The following WRN variants were observed in gnomAD, a reference collection of about 807,000 sequenced individuals.
WRN encodes the protein WRN RecQ like helicase, also known as bifunctional 3'-5' exonuclease/ATP-dependent helicase WRN.
In WRN, 149 loss-of-function variants were observed where a neutral mutation model predicts 180.7. The observed-to-expected ratio is 0.82, with a 90% CI of 0.72 to 0.94. The LOEUF (loss-of-function observed/expected upper bound fraction) is 0.94, where lower values mean the gene tolerates loss of function less well. Ranked by LOEUF, WRN falls within the 40% of genes least tolerant of loss-of-function variation. The pLI is 0.00. For missense variants in WRN, 1,661 were observed against 1,700.1 expected, an observed-to-expected ratio of 0.98 and a Z score of 0.40; for synonymous variants, 548 against 568.9, an observed-to-expected ratio of 0.96 and a Z score of 0.52.
intron 16 of WRN, among the ~76,000 whole-genome samples, chr8:31,095,808 G>A (rs184944387): frequency 1.2e-4 from 19 of 152,278 alleles, no homozygotes; most frequent in Admixed American, 5.9e-4. Context: ...ATCAGGTAGC[G>A]CAAGGCCTCT....
intron 28 of WRN, 123 bp downstream of exon 28, chr8:31,143,746 G>C (rs1802753777): frequency 2.9e-6 from 2 of 681,884 alleles, no homozygotes; most frequent in Admixed American, 5.4e-5. Context: ...TAAAACATAA[G>C]CTTTTCAGTA....
At chr8:31,154,862 C>T in intron 32 of WRN, 107 bp downstream of exon 32, 1 of 1,351,078 alleles carries the variant, frequency 7.4e-7, no homozygotes, top group Non-Finnish European at 1.0e-6. Flanking sequence ...TTCCTCCAAC[C>T]CTACAATAAA....
In WRN at chr8:31,141,420, C is replaced by G; in HGVS notation, c.2968-10C>G. The G allele has an allele frequency of 6.2e-7, 1 of 1,613,898 alleles. No individual in the cohort carries two copies. Among genetic ancestry groups the G allele is most frequent in the East Asian group, 2.2e-5 (1 of 44,860 alleles). On this transcript the variant is annotated splice_polypyrimidine_tract_variant and intron_variant, in intron 24 of 34. Transcript: ENST00000298139. The stretch of plus-strand genomic sequence containing the variant: ...GCATTTTTAGATACTGATTTTATTC[C>G]TAATTTCAGAATTCTCAGCGTCTTG...
At chr8:31,040,962 G>T (rs1312319868) in intron 1 of WRN, among the ~76,000 whole-genome samples, 1 of 152,160 alleles carries the variant, frequency 6.6e-6, no homozygotes, top group Non-Finnish European at 1.5e-5. Context: ...TCGAGAAAAT[G>T]TCTTTGAGTA....
chr8:31,172,937 T>C, intron 34 of WRN, 58 bp from the exon 35 acceptor site: 1 of 1,541,770 alleles, frequency 6.5e-7, no homozygotes, highest in Non-Finnish European at 8.9e-7. Context: ...TTTTTGCAAC[T>C]AATACCCCTT....
chr8:31,134,721 G>A (rs1585505307), intron 24 of WRN, among the ~76,000 whole-genome samples: 1 of 152,154 alleles, frequency 6.6e-6, no homozygotes, highest in East Asian at 1.9e-4. Context: ...GAATTAGACG[G>A]TAGTTTTGAT....
chr8:31,131,950 C>A, intron 23 of WRN: 1 of 143,976 alleles, frequency 6.9e-6, no homozygotes, highest in Non-Finnish European at 1.4e-5. Flanking sequence ...TTTTTCTAAG[C>A]TGAAAGGCTT....
In WRN at chr8:31,121,749, A is replaced by T. The variant is rs551080857; in HGVS notation, c.2630+1325A>T. Reference sequence around the variant, plus strand: ...GGAATTAATTAGGTAAAAATGTTTGATGCAAATTTTAAGATTTTCCTTCTG... The same window carrying T: ...GGAATTAATTAGGTAAAAATGTTTGTTGCAAATTTTAAGATTTTCCTTCTG... On this transcript the variant is annotated intron_variant, in intron 21 of 34. Coordinates refer to ENST00000298139, the MANE Select transcript of WRN (RefSeq NM_000553.6). 1.8e-4 allele frequency among the ~76,000 whole-genome samples: 28 copies of T among 152,072 alleles called. No homozygotes were observed. The South Asian group carries it at 5.4e-3, about 29-fold the overall frequency.
chr8:31,142,788 A>G (rs567732157), intron 27 of WRN, 87 bp downstream of exon 27: 15 of 1,250,814 alleles, frequency 1.2e-5, no homozygotes, highest in Admixed American at 2.1e-5. Flanking sequence ...TTCCTTTCCA[A>G]TTAAAGAGAA....
At position 31,143,598 on chromosome 8, in the gene WRN, T is replaced by A; in HGVS notation, c.3358T>A (p.Ser1120Thr). The part of the protein sequence containing the change: ...YSYKPCDKIS[S>T]GSNISKKSIM... ...TTATAAACCATGTGATAAGATTTCT[T>A]CTGGGAGTAACATTTCTAAAAAAAG... Residue 1120 changes from serine to threonine, a missense_variant, in exon 28 of 35, where the codon TCT becomes ACT. Coordinates refer to ENST00000298139, the MANE Select transcript of WRN (RefSeq NM_000553.6). 1 of 1,590,470 alleles carries A rather than the reference T, an allele frequency of 6.3e-7. No homozygotes were observed. The highest frequency in any genetic ancestry group is 8.6e-7 in the Non-Finnish European group (1 of 1,159,482).
At chr8:31,152,583 A>G (rs574333443) in intron 31 of WRN, among the ~76,000 whole-genome samples, 2 of 152,298 alleles carry the variant, frequency 1.3e-5, no homozygotes, top group East Asian at 1.9e-4. Context: ...ATAGGAAGAT[A>G]TAAATAGAAA....
In WRN at chr8:31,145,039, G is replaced by C. The variant is rs1007981570; in HGVS notation, c.3383+1416G>C. Among the ~76,000 whole-genome samples, 8 of 152,332 alleles carry C rather than the reference G, an allele frequency of 5.3e-5. No homozygotes were observed. In the South Asian group the frequency reaches 1.7e-3, roughly 32 times the overall value. Reference sequence around the variant, plus strand: ...AGGCCAGCAGAGGTTGGTTCATGAGGTTTAAGGAAAGAAGCCATCTCCATA... The same window carrying C: ...AGGCCAGCAGAGGTTGGTTCATGAGCTTTAAGGAAAGAAGCCATCTCCATA... On this transcript the variant is annotated intron_variant, in intron 28 of 34. Transcript: ENST00000298139.
intron 2 of WRN, 75 bp downstream of exon 2, chr8:31,058,618 C>T: frequency 6.9e-7 from 1 of 1,453,326 alleles, no homozygotes; most frequent in Non-Finnish European, 9.5e-7. Flanking sequence ...TCAGTTGTTA[C>T]TTGTAAACTT....
chr8:31,058,096 A>T (rs11574174), intron 1 of WRN, among the ~76,000 whole-genome samples: 32 of 152,186 alleles, frequency 2.1e-4, no homozygotes, highest in African/African-American at 7.2e-4. Flanking sequence ...ATACCCAAGG[A>T]TTTTCATTGA....
At chr8:31,170,613 G>A (rs1804065715) in intron 34 of WRN, among the ~76,000 whole-genome samples, 1 of 152,162 alleles carries the variant, frequency 6.6e-6, no homozygotes, top group African/African-American at 2.4e-5. Context: ...ATCAGCAAAT[G>A]AGTTGATGTT....
intron 19 of WRN, 123 bp from the exon 20 acceptor site, chr8:31,116,231 G>T (rs1272068812): frequency 6.3e-5 from 61 of 968,366 alleles, no homozygotes; most frequent in South Asian, 3.8e-4. Context: ...TTTTTGATAG[G>T]CTTTCTTCCT....
intron 8 of WRN, 102 bp downstream of exon 8, chr8:31,076,389 T>G: frequency 9.6e-7 from 1 of 1,037,834 alleles, no homozygotes; most frequent in Non-Finnish European, 1.4e-6. Context: ...GGCTGACTCA[T>G]AGAAATTTGC....
chr8:31,110,089 A>G (rs1051848424), intron 18 of WRN, among the ~76,000 whole-genome samples: 2 of 142,158 alleles, frequency 1.4e-5, no homozygotes, highest in African/African-American at 5.3e-5. Flanking sequence ...TTATTTAACC[A>G]AAACACTTAA....
chr8:31,080,843 A>C (rs1435573981), intron 8 of WRN, 24 bp from the exon 9 acceptor site: 2 of 1,564,876 alleles, frequency 1.3e-6, no homozygotes, highest in East Asian at 2.3e-5. Context: ...AAGTTGAATT[A>C]ATCTTTCTTA....
Sources: allele counts gnomAD v4.1 joint callset (sites outside exome capture counted in the v4.1 genomes callset), GRCh38; gene constraint gnomAD v4.1.1; transcripts MANE v1.5; gene names NCBI Gene and HGNC (gene_info 2026-07-23, HGNC 2026-07-21).